YBX3: variants seen among roughly 807,000 people sequenced by gnomAD.
YBX3 encodes the protein Y-box binding protein 3.
In YBX3, 29 loss-of-function variants were observed where a neutral mutation model predicts 42.4. The observed-to-expected ratio is 0.68, with a 90% CI of 0.51 to 0.93. The LOEUF is 0.93. YBX3 is among the 40% of genes least tolerant of loss of function. The pLI, the probability that YBX3 is intolerant of heterozygous loss-of-function variation, is 0.00. For synonymous variants in YBX3, 195 were observed against 189.8 expected (o/e 1.03, Z -0.22); for missense variants, 517 against 527.5 (o/e 0.98, Z 0.19).
chr12:10,700,824 AAAAT>A (rs138178432), intron 9 of YBX3, among the ~76,000 whole-genome samples: 2,244 of 151,620 alleles, frequency 0.015, 45 homozygotes, highest in African/African-American at 0.051. Flanking sequence ...GCACCGCCTC[AAAAT>A]AAATAAAGTT....
chr12:10,705,196 C>T (rs1374139199), intron 6 of YBX3, among the ~76,000 whole-genome samples: 4 of 152,130 alleles, frequency 2.6e-5, no homozygotes, highest in African/African-American at 4.8e-5. Context: ...CTGGTTCAAG[C>T]GATTCTCCTG....
intron 3 of YBX3, among the ~76,000 whole-genome samples, chr12:10,716,787 C>T (rs1948267767): frequency 6.6e-6 from 1 of 152,170 alleles, no homozygotes; most frequent in South Asian, 2.1e-4. Flanking sequence ...CAGTTCAGGA[C>T]AGGCACGCAG....
intron 6 of YBX3, among the ~76,000 whole-genome samples, chr12:10,706,334 G>C (rs1040486919): frequency 6.6e-6 from 1 of 152,086 alleles, no homozygotes; most frequent in African/African-American, 2.4e-5. Flanking sequence ...TTTCTTTACA[G>C]ACATACATAC....
At chr12:10,706,434 C>G (rs1000115625) in intron 6 of YBX3, among the ~76,000 whole-genome samples, 3 of 152,194 alleles carry the variant, frequency 2.0e-5, no homozygotes, top group Non-Finnish European at 4.4e-5. Flanking sequence ...TTCTTAAGTT[C>G]ATTCTATTTA....
chr12:10,719,193 T>A, intron 1 of YBX3, 50 bp from the exon 2 acceptor site: 6 of 1,457,554 alleles, frequency 4.1e-6, no homozygotes, highest in Non-Finnish European at 5.8e-6. Flanking sequence ...CAGAGAGATA[T>A]AGCTCATATC....
In YBX3 at chr12:10,723,227, C is replaced by T; in HGVS notation, c.-116G>A. 8.6e-7 allele frequency: 1 copy of T among 1,166,632 alleles called. No homozygotes were observed. Among genetic ancestry groups the T allele is most frequent in the Non-Finnish European group, 1.1e-6 (1 of 946,064 alleles). 72.3% of individuals were successfully genotyped at this position (1,166,632 alleles called of 1,614,324 possible). On this transcript the variant is annotated 5_prime_UTR_variant, in exon 1 of 10. Transcript: ENST00000228251. ...CTCGGGGAGGCCGGGGCGGATCTCG[C>T]GGCGCAGGCGGCGGCGGCCGAGGTG...
At chr12:10,713,090 A>G (rs1295176404) in intron 5 of YBX3, 121 bp downstream of exon 5, 1 of 1,240,826 alleles carries the variant, frequency 8.1e-7, no homozygotes. Flanking sequence ...GAAAAAATAA[A>G]AATCACTTAA....
chr12:10,704,618 T>G (rs1948117359), intron 6 of YBX3, among the ~76,000 whole-genome samples: 1 of 143,532 alleles, frequency 7.0e-6, no homozygotes, highest in African/African-American at 2.4e-5. Flanking sequence ...TCTTTTCTTT[T>G]CTCAAAACAT....
At chr12:10,704,647 G>T in intron 6 of YBX3, among the ~76,000 whole-genome samples, 1 of 151,950 alleles carries the variant, frequency 6.6e-6, no homozygotes, top group South Asian at 2.1e-4. Context: ...CCCCCTAAGA[G>T]CCAAATACTG....
At chr12:10,709,339 A>G (rs1330957262) in intron 6 of YBX3, among the ~76,000 whole-genome samples, 1 of 152,222 alleles carries the variant, frequency 6.6e-6, no homozygotes, top group Non-Finnish European at 1.5e-5. Flanking sequence ...TCTGCAGTGA[A>G]AAAGGAGAAT....
At chr12:10,713,168 G>T in intron 5 of YBX3, 43 bp downstream of exon 5, 3 of 1,584,606 alleles carry the variant, frequency 1.9e-6, no homozygotes, top group South Asian at 2.3e-5. Flanking sequence ...TTCCATGCAT[G>T]AACAATTTCT....
chr12:10,707,497 C>T (rs1591576016), intron 6 of YBX3, among the ~76,000 whole-genome samples: 1 of 152,200 alleles, frequency 6.6e-6, no homozygotes, highest in Non-Finnish European at 1.5e-5. Flanking sequence ...CCAAATCTAA[C>T]CATTTAATCA....
intron 7 of YBX3, chr12:10,703,126 T>C (rs1445710168): frequency 6.6e-6 from 1 of 152,222 alleles, no homozygotes; most frequent in Non-Finnish European, 1.5e-5. Context: ...TTAGTGATTA[T>C]GCCTAAAGCT....
At chr12:10,712,314 T>C (rs1397345316) in intron 5 of YBX3, 1 of 152,192 alleles carries the variant, frequency 6.6e-6, no homozygotes, top group Non-Finnish European at 1.5e-5. Flanking sequence ...ATCTAGTAAG[T>C]TTCTCATGAC....
intron 7 of YBX3, 175 bp downstream of exon 7, chr12:10,703,876 C>A (rs1948108279): frequency 1.8e-6 from 1 of 555,100 alleles, no homozygotes; most frequent in South Asian, 2.9e-5. Flanking sequence ...ACTAAAAATT[C>A]TAGTATTAAG....
intron 6 of YBX3, among the ~76,000 whole-genome samples, chr12:10,707,886 G>C (rs1032769990): frequency 1.3e-5 from 2 of 152,180 alleles, no homozygotes; most frequent in Admixed American, 6.5e-5. Flanking sequence ...AGCAATTAAC[G>C]TGTATAAAGG....
chr12:10,723,066 G>A lies in YBX3; in HGVS notation c.46C>T (p.Pro16Ser). 1 of 1,209,842 alleles carries A rather than the reference G, an allele frequency of 8.3e-7. No individual in the cohort carries two copies. The highest frequency in any genetic ancestry group is 1.0e-6 in the Non-Finnish European group (1 of 975,532). The allele number at this position is 1,209,842 out of a possible 1,614,324, so 74.9% of individuals were successfully genotyped here. ...GCGGCCGCCTCCGTCGGAGCCTGCG[G>A]GAGGGTGGTGGTGGTGGTGGTGGTG... is the stretch of plus-strand genomic sequence containing the variant. ...EATTTTTTTL[P>S]QAPTEAAAAA... Residue 16 changes from proline (P) to serine (S), a missense_variant, in exon 1 of 10, where the codon CCG becomes TCG. Physicochemically the swap from Pro to Ser is moderately conservative, Grantham distance 74. Around this residue, in one of 3 missense-constraint regions of YBX3, gnomAD observed 86 missense variants for 82.5 expected, o/e 1.04. Coordinates refer to ENST00000228251, the MANE Select transcript of YBX3 (RefSeq NM_003651.5).
rs780436425 is a variant in YBX3 at position 10,710,101 on chromosome 12, T to C, written c.587A>G (p.Glu196Gly). ...RGPPRNYAGE[E>G]EEEGSGSSEG... Reference sequence around the variant, plus strand: ...ACTGCTGCCGCTCCCTTCCTCCTCCTCCTCCCCAGCGTACTAGCGAAGCAA... The same window carrying C: ...ACTGCTGCCGCTCCCTTCCTCCTCCCCCTCCCCAGCGTACTAGCGAAGCAA... Residue 196 changes from glutamate to glycine, a missense_variant, in exon 6 of 10, where the codon GAG becomes GGG. By Grantham distance (98) the Glu-to-Gly change is moderately conservative. Transcript: ENST00000228251. 6.2e-7 allele frequency: 1 copy of C among 1,613,430 alleles called. No individual in the cohort carries two copies. The highest frequency in any genetic ancestry group is 8.5e-7 in the Non-Finnish European group (1 of 1,179,868).
chr12:10,710,605 G>C (rs1397897230), intron 5 of YBX3: 1 of 1,253,832 alleles, frequency 8.0e-7, no homozygotes, highest in Admixed American at 2.5e-5. Context: ...ACTTCCAGGG[G>C]GTCAGCGAGG....
Sources: gnomAD v4.1 joint callset for allele counts (sites outside exome capture counted in the v4.1 genomes callset) on GRCh38, gnomAD v4.1.1 for gene constraint, gnomAD v4.1.1 regional missense constraint, MANE v1.5 for transcripts, NCBI Gene and HGNC (gene_info 2026-07-23, HGNC 2026-07-21) for gene names.